PDLIM5: variants seen among roughly 807,000 people sequenced by gnomAD.
PDLIM5 encodes PDZ and LIM domain protein 5.
In PDLIM5, 34 loss-of-function variants were observed where a neutral mutation model predicts 64.2. The ratio of observed to expected loss-of-function variants is 0.53; its 90% CI spans 0.40 to 0.71. The LOEUF is 0.71. PDLIM5 is among the 30% of genes least tolerant of loss of function. PDLIM5 has a pLI of 0.00. For missense variants in PDLIM5, 683 were observed against 733.6 expected (o/e 0.93, Z 0.80); for synonymous variants, 253 against 269.1 (o/e 0.94, Z 0.59).
chr4:94,560,833 T>G (rs1733773815), intron 3 of PDLIM5, among the ~76,000 whole-genome samples: 1 of 152,084 alleles, frequency 6.6e-6, no homozygotes, highest in African/African-American at 2.4e-5. Context: ...TTCACGCCAT[T>G]CTCCTGCCTC....
intron 10 of PDLIM5, among the ~76,000 whole-genome samples, chr4:94,655,759 A>G (rs1471260356): frequency 6.6e-6 from 1 of 152,218 alleles, no homozygotes; most frequent in Non-Finnish European, 1.5e-5. Context: ...TTAGACCCAA[A>G]TAAAGTTCTG....
chr4:94,458,940 T>C (rs1038291352), intron 2 of PDLIM5, among the ~76,000 whole-genome samples: 3 of 152,206 alleles, frequency 2.0e-5, no homozygotes, highest in Non-Finnish European at 2.9e-5. Flanking sequence ...GATGATCACA[T>C]GTCATTTAAT....
intron 2 of PDLIM5, among the ~76,000 whole-genome samples, chr4:94,484,140 C>G (rs1301125454): frequency 6.6e-6 from 1 of 152,124 alleles, no homozygotes; most frequent in African/African-American, 2.4e-5. Flanking sequence ...GCCAACTCAG[C>G]ATTTTTATCT....
chr4:94,601,006 A>AAG (rs1737443040), intron 7 of PDLIM5, among the ~76,000 whole-genome samples: 1 of 152,228 alleles, frequency 6.6e-6, no homozygotes, highest in East Asian at 1.9e-4. Context: ...AGAAATGTGT[A>AAG]AGAGTTATAA....
chr4:94,620,793 C>T (rs1370871082), intron 8 of PDLIM5, among the ~76,000 whole-genome samples: 1 of 152,006 alleles, frequency 6.6e-6, no homozygotes, highest in African/African-American at 2.4e-5. Flanking sequence ...CACAGTGACT[C>T]ACGCCTATAA....
intron 7 of PDLIM5, among the ~76,000 whole-genome samples, chr4:94,590,268 G>T (rs1441447630): frequency 1.3e-5 from 2 of 152,108 alleles, no homozygotes; most frequent in African/African-American, 2.4e-5. Flanking sequence ...GTGGTATTAG[G>T]ACACAGAGTA....
At chr4:94,640,687 A>C (rs573528902) in intron 9 of PDLIM5, among the ~76,000 whole-genome samples, 2 of 152,134 alleles carry the variant, frequency 1.3e-5, no homozygotes, top group Non-Finnish European at 2.9e-5. Context: ...ATCAGTTATC[A>C]ATTCCTATTA....
chr4:94,666,138 A>G lies in PDLIM5; in HGVS notation c.*2071A>G. On this transcript the variant is annotated 3_prime_UTR_variant, in exon 13 of 13. Transcript: ENST00000317968. ...CTTCCTGCCCCATCACTCACTTACGACATCACTTCCATTGTGTGCATGTTT... is the reference window on the plus strand; with the variant it reads ...CTTCCTGCCCCATCACTCACTTACGGCATCACTTCCATTGTGTGCATGTTT... 1.2e-6 allele frequency: 1 copy of G among 806,074 alleles called. No homozygotes were observed. The highest frequency in any genetic ancestry group is 2.7e-5 in the East Asian group (1 of 36,890). The allele number at this position is 806,074 out of a possible 1,614,324, so 49.9% of individuals were successfully genotyped here.
chr4:94,574,629 A>G (rs1246864878), intron 4 of PDLIM5, among the ~76,000 whole-genome samples: 5 of 152,028 alleles, frequency 3.3e-5, no homozygotes, highest in African/African-American at 1.2e-4. Context: ...ATAGGGATTT[A>G]TTCTTGATCT....
chr4:94,507,232 G>GATAT (rs368977843), intron 2 of PDLIM5, among the ~76,000 whole-genome samples: 1 of 150,788 alleles, frequency 6.6e-6, no homozygotes, highest in Non-Finnish European at 1.5e-5. Context: ...ATATATATGG[G>GATAT]ATATATATAT....
chr4:94,501,548 T>A (rs771783553), intron 2 of PDLIM5, among the ~76,000 whole-genome samples: 4 of 152,244 alleles, frequency 2.6e-5, no homozygotes, highest in Non-Finnish European at 5.9e-5. Flanking sequence ...TTTATGTCTG[T>A]TGAATCTAAT....
At chr4:94,595,042 A>G (rs903565163) in intron 7 of PDLIM5, among the ~76,000 whole-genome samples, 1 of 152,160 alleles carries the variant, frequency 6.6e-6, no homozygotes, top group African/African-American at 2.4e-5. Flanking sequence ...GGAAGCTGGT[A>G]CATCTTCACA....
At chr4:94,503,891 G>A (rs1728151509) in intron 2 of PDLIM5, among the ~76,000 whole-genome samples, 1 of 152,140 alleles carries the variant, frequency 6.6e-6, no homozygotes, top group East Asian at 1.9e-4. Context: ...TTTATTATAT[G>A]CAGAATGATA....
intron 7 of PDLIM5, among the ~76,000 whole-genome samples, chr4:94,592,960 G>A (rs1037218892): frequency 6.6e-6 from 1 of 151,924 alleles, no homozygotes; most frequent in African/African-American, 2.4e-5. Context: ...CCTACAGAGC[G>A]CCCTCTCCAC....
At chr4:94,556,038 A>G (rs1173608573) in intron 3 of PDLIM5, among the ~76,000 whole-genome samples, 2 of 151,388 alleles carry the variant, frequency 1.3e-5, no homozygotes, top group Non-Finnish European at 2.9e-5. Context: ...TATATCTCCT[A>G]ATGCTATCCC....
In PDLIM5 at chr4:94,476,061, G is replaced by A. The variant is rs192826916; in HGVS notation, c.96+20677G>A. ...GTTAGGTAACTCTTGAAGTTGTATC[G>A]TTTCTAAGCTAAAAACAAATATGTC... On this transcript the variant is annotated intron_variant, in intron 2 of 12. Coordinates refer to ENST00000317968, the MANE Select transcript of PDLIM5 (RefSeq NM_006457.5). 1.6e-4 allele frequency among the ~76,000 whole-genome samples: 25 copies of A among 152,126 alleles called. No individual in the cohort carries two copies. The East Asian group carries it at 4.4e-3, about 27-fold the overall frequency.
intron 11 of PDLIM5, among the ~76,000 whole-genome samples, 161 bp from the exon 12 acceptor site, chr4:94,662,261 C>G (rs1742794225): frequency 6.6e-6 from 1 of 152,132 alleles, no homozygotes; most frequent in Non-Finnish European, 1.5e-5. Context: ...AAACATCTCT[C>G]TCAAGCCAAA....
At chr4:94,654,744 A>G (rs1301180603) in intron 10 of PDLIM5, 104 bp downstream of exon 10, 1 of 731,216 alleles carries the variant, frequency 1.4e-6, no homozygotes, top group Non-Finnish European at 2.3e-6. Flanking sequence ...TTCTTGCTTT[A>G]TGCCCTCTCT....
chr4:94,505,802 CCCTCCAGGTG>C (rs1163972249), intron 2 of PDLIM5, among the ~76,000 whole-genome samples: 1 of 152,208 alleles, frequency 6.6e-6, no homozygotes, highest in African/African-American at 2.4e-5. Context: ...CTGGGAGCCA[CCCTCCAGGTG>C]CCTCCAGGTG....
Sources: allele counts gnomAD v4.1 joint callset (sites outside exome capture counted in the v4.1 genomes callset), GRCh38; gene constraint gnomAD v4.1.1; transcripts MANE v1.5; gene names NCBI Gene and HGNC (gene_info 2026-07-23, HGNC 2026-07-21).